CAPN13: variants seen among roughly 807,000 people sequenced by gnomAD.
CAPN13 encodes the protein calpain-13.
In CAPN13, 90 loss-of-function variants were observed where a neutral mutation model predicts 98.4. The observed-to-expected ratio is 0.92, with a 90% CI of 0.77 to 1.09. CAPN13 has a LOEUF of 1.09. Ranked by LOEUF, CAPN13 falls within the 50% of genes least tolerant of loss-of-function variation. The pLI is 0.00. For synonymous variants in CAPN13, 330 were observed against 305.5 expected (o/e 1.08, Z -0.84); for missense variants, 887 against 841.3 (o/e 1.05, Z -0.67).
intron 22 of CAPN13, among the ~76,000 whole-genome samples, chr2:30,727,222 A>G (rs1432591867): frequency 6.6e-6 from 1 of 152,230 alleles, no homozygotes; most frequent in Non-Finnish European, 1.5e-5. Flanking sequence ...GAGCTAAACT[A>G]TAAAACAGAA....
At chr2:30,745,595 A>C (rs374788820) in intron 12 of CAPN13, 128 bp downstream of exon 12, 2 of 865,178 alleles carry the variant, frequency 2.3e-6, no homozygotes, top group African/African-American at 1.7e-5. Flanking sequence ...CCTGTGTCTG[A>C]TGTAAGACTT....
intron 1 of CAPN13, among the ~76,000 whole-genome samples, chr2:30,797,607 T>A (rs746079800): frequency 6.6e-6 from 1 of 152,172 alleles, no homozygotes; most frequent in African/African-American, 2.4e-5. Flanking sequence ...CATTATGCTA[T>A]CAGCAACTCC....
intron 21 of CAPN13, 132 bp downstream of exon 21, chr2:30,731,212 A>T: frequency 1.4e-6 from 1 of 703,448 alleles, no homozygotes; most frequent in Non-Finnish European, 2.3e-6. Context: ...CAGTAATTGG[A>T]GGTTGGGGGG....
intron 8 of CAPN13, 50 bp downstream of exon 8, chr2:30,757,996 C>G (rs773545557): frequency 7.0e-7 from 1 of 1,430,054 alleles, no homozygotes; most frequent in Non-Finnish European, 9.5e-7. Context: ...GAGGCTCTAC[C>G]GACACCAAGC....
intron 1 of CAPN13, among the ~76,000 whole-genome samples, chr2:30,790,778 AATAATGGAACACT>A (rs974990989): frequency 3.9e-5 from 6 of 152,228 alleles, no homozygotes; most frequent in Admixed American, 3.9e-4. Context: ...TTAGCGTTCC[AATAATGGAACACT>A]AGGCATAAAT....
chr2:30,731,236 C>T (rs1372599107), intron 21 of CAPN13, 108 bp downstream of exon 21: 7 of 991,228 alleles, frequency 7.1e-6, no homozygotes. Flanking sequence ...GCTTGGCTGG[C>T]CTTTGACAGA....
intron 5 of CAPN13, among the ~76,000 whole-genome samples, chr2:30,768,554 CT>C (rs1380371481): frequency 1.3e-5 from 2 of 152,216 alleles, no homozygotes; most frequent in African/African-American, 4.8e-5. Context: ...GTCCCTGCCC[CT>C]GGGCCTCTGC....
Position 30,770,184 on chromosome 2 carries a change from G to A in CAPN13, c.524+129C>T, listed in dbSNP as rs566125674. 8.0e-6 allele frequency: 10 copies of A among 1,250,954 alleles called. No homozygotes were observed. The African/African-American group carries it at 1.5e-4, about 19-fold the overall frequency. The allele number at this position is 1,250,954 out of a possible 1,614,324, so 77.5% of individuals were successfully genotyped here. On this transcript the variant is annotated intron_variant, in intron 5 of 22. Coordinates refer to ENST00000295055, the MANE Select transcript of CAPN13 (RefSeq NM_144575.3). ...GGCCCCAACATGGACCTTTGCACGT[G>A]GTGATTGTTTATGGAGATGCCCAGC...
At chr2:30,778,807 C>G (rs893908934) in intron 2 of CAPN13, among the ~76,000 whole-genome samples, 1 of 152,192 alleles carries the variant, frequency 6.6e-6, no homozygotes, top group Non-Finnish European at 1.5e-5. Context: ...GGGAGGGGAA[C>G]TCTCAGGCCC....
intron 1 of CAPN13, among the ~76,000 whole-genome samples, chr2:30,797,955 A>G (rs1428564672): frequency 6.6e-6 from 1 of 152,216 alleles, no homozygotes; most frequent in Non-Finnish European, 1.5e-5. Flanking sequence ...GGTGTCCCTG[A>G]GGCCAAACAC....
At chr2:30,740,804 T>C (rs1671614176) in intron 15 of CAPN13, among the ~76,000 whole-genome samples, 1 of 152,162 alleles carries the variant, frequency 6.6e-6, no homozygotes. Flanking sequence ...GGGCCATGTG[T>C]GAGAATTTGC....
chr2:30,750,490 A>C (rs61538906), intron 11 of CAPN13, among the ~76,000 whole-genome samples: 3,486 of 152,130 alleles, frequency 0.023, 146 homozygotes, highest in African/African-American at 0.079. Context: ...AAGGAGAGAG[A>C]GCCTAGGTGG....
intron 2 of CAPN13, among the ~76,000 whole-genome samples, chr2:30,778,584 A>G (rs1673821778): frequency 6.6e-6 from 1 of 152,152 alleles, no homozygotes; most frequent in Admixed American, 6.5e-5. Flanking sequence ...CTGGAATTGG[A>G]TTCATTTGCT....
At position 30,782,774 on chromosome 2, in the gene CAPN13, G is replaced by T. The variant is rs192053322; in HGVS notation, c.198+4354C>A. ...TAAAACGTCTTTTACTATAAAATGG[G>T]TACAAAGATGAAATTTCAGTTTATC... is the stretch of plus-strand genomic sequence containing the variant. On this transcript the variant is annotated intron_variant, in intron 2 of 22. Coordinates refer to ENST00000295055, the MANE Select transcript of CAPN13 (RefSeq NM_144575.3). Among the ~76,000 whole-genome samples, 305 of 152,300 alleles carry T rather than the reference G, an allele frequency of 2.0e-3. 3 individuals are homozygous for T. Among genetic ancestry groups the T allele is most frequent in the Middle Eastern group, 0.01 (3 of 294 alleles).
chr2:30,775,703 CA>C (rs1673651571), intron 4 of CAPN13, among the ~76,000 whole-genome samples: 1 of 152,176 alleles, frequency 6.6e-6, no homozygotes, highest in Non-Finnish European at 1.5e-5. Context: ...CTTTGCTAAT[CA>C]TTTCTGTCAT....
chr2:30,784,645 G>A (rs1340877408), intron 2 of CAPN13, among the ~76,000 whole-genome samples: 3 of 152,202 alleles, frequency 2.0e-5, no homozygotes, highest in Admixed American at 2.0e-4. Flanking sequence ...TAGGACATAA[G>A]CTTATGATGA....
intron 22 of CAPN13, among the ~76,000 whole-genome samples, chr2:30,727,893 A>T (rs1670915320): frequency 6.6e-6 from 1 of 152,120 alleles, no homozygotes; most frequent in South Asian, 2.1e-4. Context: ...AGTCAAAACT[A>T]GAAACAACCC....
chr2:30,758,107 T>G lies in CAPN13; in HGVS notation c.805A>C (p.Ile269Leu). 6.2e-7 allele frequency: 1 copy of G among 1,608,926 alleles called. No homozygotes were observed. The highest frequency in any genetic ancestry group is 8.5e-7 in the Non-Finnish European group (1 of 1,177,878). ...IQYRRGWEEIISLWNPWGWGE... is the reference protein window; with the variant it reads ...IQYRRGWEEILSLWNPWGWGE... ...CAGCCCCAGGGGTTCCACAGGGAGATAATTTCTTCCCAGCCCCTTCGGTAT... is the reference window on the plus strand; with the variant it reads ...CAGCCCCAGGGGTTCCACAGGGAGAGAATTTCTTCCCAGCCCCTTCGGTAT... The change falls in exon 8 of 23, where the codon ATC (isoleucine) becomes CTC (leucine). Residue 269 changes from isoleucine (I) to leucine (L), a missense_variant. Coordinates refer to ENST00000295055, the MANE Select transcript of CAPN13 (RefSeq NM_144575.3).
At chr2:30,734,423 C>A (rs1361689529) in intron 19 of CAPN13, 26 bp downstream of exon 19, 1 of 1,600,230 alleles carries the variant, frequency 6.2e-7, no homozygotes, top group East Asian at 2.2e-5. Flanking sequence ...ACCTTGGGCA[C>A]CACAGCTCCA....
Sources: gnomAD v4.1 joint callset for allele counts (sites outside exome capture counted in the v4.1 genomes callset) on GRCh38, gnomAD v4.1.1 for gene constraint, MANE v1.5 for transcripts, NCBI Gene and HGNC (gene_info 2026-07-23, HGNC 2026-07-21) for gene names.